Variants in RBFOX1 observed in about 807,000 individuals in gnomAD.
The protein encoded by RBFOX1 is RNA binding protein fox-1 homolog 1.
A neutral mutation model predicts 57.7 loss-of-function variants in RBFOX1; 8 were observed. That is an observed-to-expected ratio of 0.14 (90% CI 0.08 to 0.25). The LOEUF is 0.25. Ranked by LOEUF, RBFOX1 falls within the 10% of genes least tolerant of loss-of-function variation. The pLI, the probability that RBFOX1 is intolerant of heterozygous loss-of-function variation, is 1.00. For synonymous variants in RBFOX1, 326 were observed against 222.4 expected (o/e 1.47, Z -4.15); for missense variants, 611 against 548.5 (o/e 1.11, Z -1.14).
chr16:6,443,810 C>G (rs1024734247), intron 2 of RBFOX1, among the ~76,000 whole-genome samples: 7 of 152,080 alleles, frequency 4.6e-5, no homozygotes, highest in Admixed American at 2.0e-4. Context: ...ATCCATTTAC[C>G]CATCTCTCCA....
chr16:6,005,781 G>A (rs2060682979), intron 4 of RBFOX1, among the ~76,000 whole-genome samples: 1 of 152,210 alleles, frequency 6.6e-6, no homozygotes, highest in African/African-American at 2.4e-5. Context: ...GATTCAGCCA[G>A]GAGGAGTTGG....
At chr16:6,467,098 TA>T (rs1464298036) in intron 2 of RBFOX1, among the ~76,000 whole-genome samples, 1 of 151,026 alleles carries the variant, frequency 6.6e-6, no homozygotes, top group African/African-American at 2.4e-5. Flanking sequence ...TGTAATATAA[TA>T]AAATTTACTT....
chr16:6,582,116 G>T, intron 2 of RBFOX1, among the ~76,000 whole-genome samples: 1 of 152,146 alleles, frequency 6.6e-6, no homozygotes, highest in Non-Finnish European at 1.5e-5. Context: ...ATAGCATTGA[G>T]GCTGAGAAAG....
At chr16:5,399,184 A>G (rs567486935) in intron 1 of RBFOX1, among the ~76,000 whole-genome samples, 37 of 152,328 alleles carry the variant, frequency 2.4e-4, no homozygotes, top group Non-Finnish European at 4.1e-4. Flanking sequence ...GCGGAAAATT[A>G]GAGTCCCTCC....
At chr16:5,979,539 T>C (rs144665225) in intron 4 of RBFOX1, among the ~76,000 whole-genome samples, 14 of 152,314 alleles carry the variant, frequency 9.2e-5, no homozygotes, top group Non-Finnish European at 1.8e-4. Context: ...AATCCTTACA[T>C]TCTCTCAGTT....
chr16:6,687,741 C>T (rs1322776729), intron 3 of RBFOX1, among the ~76,000 whole-genome samples: 5 of 152,116 alleles, frequency 3.3e-5, no homozygotes, highest in South Asian at 4.1e-4. Context: ...GGAAGGCTCA[C>T]AGCTACTCTG....
At chr16:7,643,438 G>T (rs1196472707) in intron 11 of RBFOX1, among the ~76,000 whole-genome samples, 1 of 152,154 alleles carries the variant, frequency 6.6e-6, no homozygotes, top group Non-Finnish European at 1.5e-5. Flanking sequence ...ACGTGCAATA[G>T]CCCAAAATGT....
At chr16:7,570,783 A>G (rs1162029027) in intron 5 of RBFOX1, among the ~76,000 whole-genome samples, 1 of 152,216 alleles carries the variant, frequency 6.6e-6, no homozygotes, top group Non-Finnish European at 1.5e-5. Context: ...ACACACATAC[A>G]CATGTATGTT....
intron 1 of RBFOX1, among the ~76,000 whole-genome samples, chr16:6,144,954 G>A (rs1320641530): frequency 6.6e-6 from 1 of 152,142 alleles, no homozygotes; most frequent in South Asian, 2.1e-4. Context: ...TCTAGGAAAA[G>A]CCAAGAGAAG....
chr16:7,666,718 A>G (rs1410235045), intron 13 of RBFOX1, among the ~76,000 whole-genome samples: 1 of 152,202 alleles, frequency 6.6e-6, no homozygotes, highest in Non-Finnish European at 1.5e-5. Context: ...GCAAATAGAG[A>G]AAAAACAAAG....
chr16:7,166,750 C>G (rs893793063), intron 4 of RBFOX1, among the ~76,000 whole-genome samples: 24 of 151,968 alleles, frequency 1.6e-4, no homozygotes, highest in Non-Finnish European at 3.2e-4. Flanking sequence ...CAGCAGCATC[C>G]TTGGATGAGT....
chr16:6,040,191 A>G (rs2095420786), intron 1 of RBFOX1, among the ~76,000 whole-genome samples: 1 of 152,220 alleles, frequency 6.6e-6, no homozygotes, highest in Non-Finnish European at 1.5e-5. Flanking sequence ...TTAATGTTTT[A>G]TTGTAAAATA....
intron 4 of RBFOX1, among the ~76,000 whole-genome samples, chr16:7,158,202 C>T (rs557352931): frequency 3.9e-5 from 6 of 152,032 alleles, no homozygotes; most frequent in African/African-American, 1.2e-4. Flanking sequence ...AAAAATTAGC[C>T]GAGCGTGCCG....
intron 3 of RBFOX1, among the ~76,000 whole-genome samples, chr16:5,666,977 C>T (rs918409591): frequency 6.6e-6 from 1 of 152,132 alleles, no homozygotes; most frequent in Non-Finnish European, 1.5e-5. Flanking sequence ...AGGGCAAGGC[C>T]TCTGAGGGTT....
rs528384172 is a variant in RBFOX1 at position 5,311,855 on chromosome 16, G to A, written c.219+71750G>A. Among the ~76,000 whole-genome samples, 108 of 152,194 alleles carry A rather than the reference G, an allele frequency of 7.1e-4. 1 individual carries two copies. The highest frequency in any genetic ancestry group is 2.5e-4 in the Non-Finnish European group (17 of 68,036). ...TGCAGCTTCAGCAAGCCCCAGTTGT[G>A]CCTGGGAAGTAGCTCTGACATTGTT... On this transcript the variant is annotated intron_variant, in intron 1 of 2. Transcript: ENST00000585867.
chr16:5,587,240 A>G (rs2151172362), intron 2 of RBFOX1, among the ~76,000 whole-genome samples: 1 of 152,356 alleles, frequency 6.6e-6, no homozygotes, highest in African/African-American at 2.4e-5. Flanking sequence ...TCAGCAATAC[A>G]GACACAACTC....
At chr16:6,196,665 C>T (rs2097181910) in intron 1 of RBFOX1, among the ~76,000 whole-genome samples, 1 of 152,024 alleles carries the variant, frequency 6.6e-6, no homozygotes, top group Non-Finnish European at 1.5e-5. Flanking sequence ...CATTTTTTTC[C>T]TGATGCTGTC....
intron 4 of RBFOX1, among the ~76,000 whole-genome samples, chr16:7,074,076 A>G (rs965331282): frequency 2.6e-5 from 4 of 152,184 alleles, no homozygotes; most frequent in Admixed American, 2.6e-4. Flanking sequence ...AACGGAGACC[A>G]TATGGCCCAC....
At chr16:7,703,791 G>A (rs1002665202) in intron 14 of RBFOX1, among the ~76,000 whole-genome samples, 1 of 152,170 alleles carries the variant, frequency 6.6e-6, no homozygotes. Flanking sequence ...TTAAGTTCAA[G>A]TAAGTATATC....
Sources: gnomAD v4.1 joint callset for allele counts (sites outside exome capture counted in the v4.1 genomes callset) on GRCh38, gnomAD v4.1.1 for gene constraint, MANE v1.5 for transcripts, NCBI Gene and HGNC (gene_info 2026-07-23, HGNC 2026-07-21) for gene names.